Variants in JAKMIP3 observed in about 807,000 individuals in gnomAD.
JAKMIP3 encodes Janus kinase and microtubule interacting protein 3.
JAKMIP3 carries 58 observed loss-of-function variants against 118.5 expected under a neutral mutation model. The observed-to-expected ratio is 0.49, with a 90% confidence interval of 0.40 to 0.61. The LOEUF (loss-of-function observed/expected upper bound fraction) is 0.61. Ranked by LOEUF, JAKMIP3 falls within the 20% of genes least tolerant of loss-of-function variation. The probability of loss-of-function intolerance (pLI) is 0.00; values close to 1 mark genes in which losing one functional copy is unlikely to be tolerated. For synonymous variants in JAKMIP3, 486 were observed against 451.2 expected (o/e 1.08, Z -0.98); for missense variants, 950 against 1,109.0 (o/e 0.86, Z 2.04).
At chr10:132,075,222 T>A (rs1278255336) in intron 1 of JAKMIP3, among the ~76,000 whole-genome samples, 2 of 152,216 alleles carry the variant, frequency 1.3e-5, no homozygotes, top group African/African-American at 4.8e-5. Flanking sequence ...GGTAATTTGA[T>A]AGAGGGCATT....
intron 20 of JAKMIP3, among the ~76,000 whole-genome samples, chr10:132,164,113 G>A (rs912482861): frequency 5.3e-5 from 8 of 152,258 alleles, no homozygotes; most frequent in African/African-American, 1.9e-4. Context: ...TGTGCCAGCT[G>A]GCTGTGGGCA....
chr10:132,044,505 GTGCGGCCGGTGCAGAGGAGGA>G lies in JAKMIP3; in HGVS notation c.-138+7771_-138+7791del, dbSNP rs1449653200. On this transcript the variant is annotated intron_variant, in intron 1 of 23. Coordinates refer to the JAKMIP3 transcript ENST00000657785. This position sits in a 1 kb window ranked among gnomAD's most constrained non-coding sequence, Gnocchi z 5.3. Reference sequence around the variant, plus strand: ...ACAGTTATGGCTGGTGCAGAGGAGGGTGCGGCCGGTGCAGAGGAGGATGCAGGAGGAGTGGGAGAAGCCAGT... The same window carrying G: ...ACAGTTATGGCTGGTGCAGAGGAGGGTGCAGGAGGAGTGGGAGAAGCCAGT... Among the ~76,000 whole-genome samples, 2 of 152,060 alleles carry G rather than the reference GTGCGGCCGGTGCAGAGGAGGA, an allele frequency of 1.3e-5. No individual in the cohort carries two copies. The highest frequency in any genetic ancestry group is 1.9e-4 in the East Asian group (1 of 5,186).
chr10:132,090,628 A>C (rs2042979793), intron 1 of JAKMIP3, among the ~76,000 whole-genome samples: 2 of 152,114 alleles, frequency 1.3e-5, no homozygotes, highest in South Asian at 4.1e-4. Context: ...CTAGCAGTCT[A>C]CCAATTTTGT....
intron 13 of JAKMIP3, among the ~76,000 whole-genome samples, chr10:132,146,331 G>C (rs11598464): frequency 0.41 from 62,479 of 151,960 alleles, 14,808 homozygotes; most frequent in Admixed American, 0.61. Flanking sequence ...GCTGCTCCCT[G>C]CACTGGGTTA....
At chr10:132,139,362 G>A (rs111975012) in intron 9 of JAKMIP3, among the ~76,000 whole-genome samples, 20 of 108,080 alleles carry the variant, frequency 1.9e-4, no homozygotes, top group East Asian at 1.2e-3. Context: ...GTGTATATGC[G>A]TCTGTACGTG....
chr10:132,148,092 C>A, intron 14 of JAKMIP3, 42 bp downstream of exon 14: 5 of 1,305,300 alleles, frequency 3.8e-6, no homozygotes, highest in South Asian at 3.7e-5. Flanking sequence ...GTGGCTGTGT[C>A]AGGGATCTAG....
intron 2 of JAKMIP3, among the ~76,000 whole-genome samples, chr10:132,114,803 G>A (rs548991509): frequency 6.6e-6 from 1 of 152,076 alleles, no homozygotes; most frequent in African/African-American, 2.4e-5. Context: ...TTTCAGCACC[G>A]AGGTCTTGGG....
chr10:132,138,489 G>A (rs1023649119), intron 9 of JAKMIP3, among the ~76,000 whole-genome samples: 6 of 152,332 alleles, frequency 3.9e-5, no homozygotes, highest in African/African-American at 1.4e-4. Flanking sequence ...GCGCTGGTGT[G>A]TGTGGAGAGC....
At chr10:132,037,666 G>A (rs1048271483) in intron 1 of JAKMIP3, among the ~76,000 whole-genome samples, 2 of 152,212 alleles carry the variant, frequency 1.3e-5, no homozygotes, top group African/African-American at 4.8e-5. Flanking sequence ...CAAGTAAAGG[G>A]CAAGTCGGGC....
In JAKMIP3 at chr10:132,112,696, G is replaced by A. The variant is rs2047056545; in HGVS notation, c.136-4381G>A. On this transcript the variant is annotated intron_variant, in intron 2 of 23. Coordinates refer to ENST00000684848, the MANE Select transcript of JAKMIP3 (RefSeq NM_001323087.2). This position sits in a 1 kb window ranked among gnomAD's most constrained non-coding sequence, Gnocchi z 4.3. Reference sequence around the variant, plus strand: ...CTGAGCCTATAGGAGTGGGGAAATAGTTCCCATGAAGGGTCTGGGATTCGG... The same window carrying A: ...CTGAGCCTATAGGAGTGGGGAAATAATTCCCATGAAGGGTCTGGGATTCGG... 2.0e-5 allele frequency among the ~76,000 whole-genome samples: 3 copies of A among 152,276 alleles called. No individual in the cohort carries two copies. In the South Asian group the frequency reaches 6.2e-4, roughly 32 times the overall value.
rs566070337 is a variant in JAKMIP3, at chr10:132,163,084, C to T, written c.2221-125C>T. 1.2e-4 allele frequency: 108 copies of T among 907,408 alleles called. No homozygotes were observed. The African/African-American group carries it at 1.5e-3, about 13-fold the overall frequency. 56.2% of individuals were successfully genotyped at this position (907,408 alleles called of 1,614,324 possible). A position where few individuals can be genotyped will look rare whatever the true frequency, so the allele number is the denominator to read the frequency against. On this transcript the variant is annotated intron_variant, in intron 19 of 23. Transcript: ENST00000684848. ...TCTGCAGAGGCCACAGCACTGGGTC[C>T]CTCCCTGTTGCATATCCTCTTGGCC...
At chr10:132,072,945 ACT>A (rs1252044336) in intron 1 of JAKMIP3, among the ~76,000 whole-genome samples, 1 of 150,972 alleles carries the variant, frequency 6.6e-6, no homozygotes, top group African/African-American at 2.4e-5. Context: ...TATCTGTTCC[ACT>A]CTGTCTGTCC....
intron 3 of JAKMIP3, among the ~76,000 whole-genome samples, chr10:132,121,749 C>T (rs980232011): frequency 6.6e-6 from 1 of 152,134 alleles, no homozygotes; most frequent in African/African-American, 2.4e-5. Flanking sequence ...TGGGGGTTTC[C>T]GTGCCTCCCT....
Position 132,136,003 on chromosome 10 carries a change from A to G in JAKMIP3, c.1043A>G (p.Asn348Ser), listed in dbSNP as rs768557044. The G allele has an allele frequency of 6.2e-7, 1 of 1,613,558 alleles. No individual in the cohort carries two copies. ...AAAAACAAGCGCCTCAGTCGGAAGA[A>G]CGAGGATTTGTCTCATGCTTTACGC... ...LDKNKRLSRKNEDLSHALRRM... is the reference protein window; with the variant it reads ...LDKNKRLSRKSEDLSHALRRM... Residue 348 changes from asparagine (N) to serine (S), a missense_variant, in exon 6 of 24, where the codon AAC becomes AGC. Asn to Ser is a conservative substitution (Grantham distance 46, BLOSUM62 1). Transcript: ENST00000684848.
At chr10:132,171,581 C>T (rs2059485185) in intron 23 of JAKMIP3, among the ~76,000 whole-genome samples, 1 of 151,994 alleles carries the variant, frequency 6.6e-6, no homozygotes, top group African/African-American at 2.4e-5. Flanking sequence ...TAAAGTTGCA[C>T]AAATTGTGTA....
intron 4 of JAKMIP3, among the ~76,000 whole-genome samples, chr10:132,134,571 C>T (rs1157576530): frequency 2.0e-5 from 3 of 152,150 alleles, no homozygotes; most frequent in Non-Finnish European, 2.9e-5. Flanking sequence ...GTGTCTTTCC[C>T]GTGCTCATGT....
chr10:132,063,156 G>A (rs148844183), upstream of JAKMIP3, among the ~76,000 whole-genome samples: 13 of 152,310 alleles, frequency 8.5e-5, no homozygotes, highest in Admixed American at 2.0e-4. Flanking sequence ...ACAACTGCCC[G>A]TGGGTGGGAA....
At position 132,168,286 on chromosome 10, in the gene JAKMIP3, T is replaced by G; in HGVS notation, c.*356T>G. 2 of 1,289,442 alleles carry G rather than the reference T, an allele frequency of 1.6e-6. No individual in the cohort carries two copies. Among genetic ancestry groups the G allele is most frequent in the Non-Finnish European group, 2.0e-6 (2 of 988,784 alleles). 79.9% of individuals were successfully genotyped at this position (1,289,442 alleles called of 1,614,324 possible). ...CTGCCAAGCAGGGGTGAGAACTGCT[T>G]CTGTGCAGAAGCACCAGCCGCGGGT... On this transcript the variant is annotated 3_prime_UTR_variant, in exon 23 of 24. Coordinates refer to ENST00000684848, the MANE Select transcript of JAKMIP3 (RefSeq NM_001323087.2).
At chr10:132,171,079 A>G (rs550536276) in intron 23 of JAKMIP3, among the ~76,000 whole-genome samples, 148 of 152,328 alleles carry the variant, frequency 9.7e-4, no homozygotes, top group African/African-American at 3.4e-3. Context: ...CTTCTTGAGC[A>G]TGTTCAGTCA....
Sources: allele counts gnomAD v4.1 joint callset (sites outside exome capture counted in the v4.1 genomes callset), GRCh38; gene constraint gnomAD v4.1.1; non-coding constraint Gnocchi (gnomAD v3.1); transcripts MANE v1.5; gene names NCBI Gene and HGNC (gene_info 2026-07-23, HGNC 2026-07-21).